CMIP: variants seen among roughly 807,000 people sequenced by gnomAD.
CMIP encodes the protein C-Maf-inducing protein.
In CMIP, 13 loss-of-function variants were observed where a neutral mutation model predicts 97.3. The observed-to-expected ratio is 0.13, with a 90% CI of 0.09 to 0.21. The LOEUF (loss-of-function observed/expected upper bound fraction) is 0.21, where lower values mean the gene tolerates loss of function less well. Ranked by LOEUF, CMIP falls within the 10% of genes least tolerant of loss-of-function variation. CMIP has a pLI of 1.00. For synonymous variants in CMIP, 538 were observed against 436.3 expected, an observed-to-expected ratio of 1.23 and a Z score of -2.91; for missense variants, 847 against 1,024.9, an observed-to-expected ratio of 0.83 and a Z score of 2.37.
intron 1 of CMIP, among the ~76,000 whole-genome samples, chr16:81,489,845 A>G (rs1045584316): frequency 6.6e-6 from 1 of 152,228 alleles, no homozygotes; most frequent in Non-Finnish European, 1.5e-5. Context: ...AGTCTCGGGA[A>G]CTTCCCCAGC....
In CMIP at chr16:81,445,017, G is replaced by C. The variant is rs1431900386; in HGVS notation, c.-225G>C. On this transcript the variant is annotated 5_prime_UTR_variant, in exon 1 of 21. Transcript: ENST00000537098. ...CGCGAGCATGCACCCGACGAGCTAGGAGGAAGCCCGGAGCCCCGCAGGAAG... is the reference window on the plus strand; with the variant it reads ...CGCGAGCATGCACCCGACGAGCTAGCAGGAAGCCCGGAGCCCCGCAGGAAG... Among the ~76,000 whole-genome samples the C allele has an allele frequency of 6.8e-6, 1 of 146,022 alleles. No individual in the cohort carries two copies. The highest frequency in any genetic ancestry group is 1.5e-5 in the Non-Finnish European group (1 of 65,576).
At chr16:81,693,543 G>T in intron 13 of CMIP, 56 bp downstream of exon 13, 2 of 1,570,132 alleles carry the variant, frequency 1.3e-6, no homozygotes, top group African/African-American at 2.7e-5. Context: ...CAGGATGCAC[G>T]AGGGCCCCTT....
chr16:81,491,164 G>A (rs1567541721), intron 1 of CMIP, among the ~76,000 whole-genome samples: 1 of 152,184 alleles, frequency 6.6e-6, no homozygotes, highest in South Asian at 2.1e-4. Flanking sequence ...ATCCTCGTGA[G>A]GGCTCAGGAA....
rs117253302 is a variant in CMIP at position 81,485,251 on chromosome 16, C to T, written c.300+39710C>T. ...AATTTTCCTAGTATAATATGTTCTCCATCCATCTCCTTGTGAGCTCATATC... is the reference window on the plus strand; with the variant it reads ...AATTTTCCTAGTATAATATGTTCTCTATCCATCTCCTTGTGAGCTCATATC... On this transcript the variant is annotated intron_variant, in intron 1 of 20. Transcript: ENST00000537098. Among the ~76,000 whole-genome samples, 117 of 152,318 alleles carry T rather than the reference C, an allele frequency of 7.7e-4. 1 individual carries two copies. In the East Asian group the frequency reaches 0.021, roughly 28 times the overall value.
intron 1 of CMIP, among the ~76,000 whole-genome samples, chr16:81,466,424 G>A (rs1220587844): frequency 6.6e-6 from 1 of 152,212 alleles, no homozygotes; most frequent in South Asian, 2.1e-4. Context: ...GGCCAGGGAT[G>A]TGCAGTTGCT....
intron 1 of CMIP, among the ~76,000 whole-genome samples, chr16:81,592,986 AC>A (rs2091489086): frequency 2.6e-5 from 4 of 152,214 alleles, no homozygotes; most frequent in African/African-American, 9.7e-5. Context: ...CAAGGGCTGC[AC>A]CCTGGGGACC....
At chr16:81,688,692 G>A (rs1472160250) in intron 10 of CMIP, among the ~76,000 whole-genome samples, 1 of 152,024 alleles carries the variant, frequency 6.6e-6, no homozygotes, top group Non-Finnish European at 1.5e-5. Context: ...AAGTTCTAGG[G>A]TACATGTGCA....
chr16:81,468,887 C>T (rs1030108607), intron 1 of CMIP, among the ~76,000 whole-genome samples: 2 of 152,152 alleles, frequency 1.3e-5, no homozygotes, highest in African/African-American at 4.8e-5. Flanking sequence ...ATTGAGTGGG[C>T]TGGGGGCTGG....
chr16:81,550,104 G>A (rs1426699174), intron 1 of CMIP, among the ~76,000 whole-genome samples: 1 of 152,340 alleles, frequency 6.6e-6, no homozygotes, highest in South Asian at 2.1e-4. Context: ...GCTGTAGGAC[G>A]AAGGCAGTAC....
At chr16:81,600,936 C>T (rs1362906605) in intron 1 of CMIP, among the ~76,000 whole-genome samples, 3 of 152,146 alleles carry the variant, frequency 2.0e-5, no homozygotes, top group South Asian at 4.1e-4. Context: ...TCCTTTGGGG[C>T]CCCAGGGTGT....
At chr16:81,671,016 A>G (rs1042259562) in intron 8 of CMIP, among the ~76,000 whole-genome samples, 13 of 152,070 alleles carry the variant, frequency 8.5e-5, no homozygotes, top group Admixed American at 4.6e-4. Context: ...TTTAGTAGAG[A>G]TGGGGTTTCA....
intron 18 of CMIP, among the ~76,000 whole-genome samples, chr16:81,704,743 C>T: frequency 7.0e-6 from 1 of 142,896 alleles, no homozygotes. Context: ...TGCCCCTCAC[C>T]CGCTTCCCTG....
Position 81,639,095 on chromosome 16 carries a change from G to C in CMIP, c.478-13108G>C, listed in dbSNP as rs137986376. On this transcript the variant is annotated intron_variant, in intron 3 of 20. Transcript: ENST00000537098. ...CTTCAAGGACCGGAGCTCAGGACCA[G>C]GGGGTGACCCTGAGCCAGAATCCTG... 4.8e-3 allele frequency among the ~76,000 whole-genome samples: 738 copies of C among 152,288 alleles called. 3 individuals are homozygous for C. The highest frequency in any genetic ancestry group is 0.014 in the Middle Eastern group (4 of 294).
chr16:81,499,091 T>G (rs2089547730), intron 1 of CMIP, among the ~76,000 whole-genome samples: 1 of 152,166 alleles, frequency 6.6e-6, no homozygotes, highest in Admixed American at 6.5e-5. Flanking sequence ...TAGATCGGTG[T>G]AGAGAAGCTA....
At chr16:81,450,438 C>T (rs1225831454) in intron 1 of CMIP, among the ~76,000 whole-genome samples, 1 of 152,128 alleles carries the variant, frequency 6.6e-6, no homozygotes, top group Non-Finnish European at 1.5e-5. Flanking sequence ...TTTCCTCCAT[C>T]CTTAGGGAGA....
chr16:81,707,794 C>T (rs1908313737), intron 20 of CMIP, among the ~76,000 whole-genome samples: 1 of 152,258 alleles, frequency 6.6e-6, no homozygotes, highest in Non-Finnish European at 1.5e-5. Context: ...CCAGCTGCCC[C>T]AGAAGGAGCG....
rs769193006 is a variant in CMIP, at chr16:81,678,466, C to G, written c.1226C>G (p.Thr409Ser). ...GAGATCCACGTGGAGGTGGAACGCA[C>G]CAGCACTGCCAAGCCGGCGCTGACG... ...SSEIHVEVER[T>S]STAKPALTAS... Residue 409 changes from threonine (T) to serine (S), a missense_variant, in exon 10 of 21, where the codon ACC becomes AGC. By Grantham distance (58) the Thr-to-Ser change is moderately conservative. Transcript: ENST00000537098. The G allele has an allele frequency of 1.3e-6, 2 of 1,591,872 alleles. No homozygotes were observed. Among genetic ancestry groups the G allele is most frequent in the South Asian group, 1.1e-5 (1 of 88,082 alleles).
chr16:81,573,350 TAA>T (rs201984837), intron 1 of CMIP, among the ~76,000 whole-genome samples: 4 of 116,660 alleles, frequency 3.4e-5, no homozygotes, highest in Non-Finnish European at 5.6e-5. Context: ...TCTCAAAAAA[TAA>T]AAAAAAAAAA....
At position 81,670,257 on chromosome 16, in the gene CMIP, G is replaced by C; in HGVS notation, c.929+12G>C. 6.3e-7 allele frequency: 1 copy of C among 1,599,168 alleles called. No individual in the cohort carries two copies. On this transcript the variant is annotated intron_variant, in intron 8 of 20. Transcript: ENST00000537098. The stretch of plus-strand genomic sequence containing the variant: ...AAGTTCATTCAGAGGTGGGTCTCCG[G>C]CGCGACGTCCCTCTGTGGCCTAGGA...
Sources: allele counts gnomAD v4.1 joint callset (sites outside exome capture counted in the v4.1 genomes callset), GRCh38; gene constraint gnomAD v4.1.1; transcripts MANE v1.5; gene names NCBI Gene and HGNC (gene_info 2026-07-23, HGNC 2026-07-21).